The following DSE variants were observed in gnomAD, a reference collection of about 807,000 sequenced individuals.
DSE encodes dermatan-sulfate epimerase.
A neutral mutation model predicts 84.4 loss-of-function variants in DSE; 36 were observed. The observed-to-expected ratio is 0.43, with a 90% CI of 0.33 to 0.56. The LOEUF (loss-of-function observed/expected upper bound fraction) is 0.56. Among genes scored for constraint, DSE ranks in the 20% least tolerant of loss-of-function variants. DSE has a pLI of 0.06. For synonymous variants in DSE, 410 were observed against 430.1 expected (o/e 0.95, Z 0.58); for missense variants, 862 against 1,169.6 (o/e 0.74, Z 3.84).
At chr6:116,312,418 G>A (rs1351052364) in intron 2 of DSE, among the ~76,000 whole-genome samples, 1 of 152,182 alleles carries the variant, frequency 6.6e-6, no homozygotes, top group Non-Finnish European at 1.5e-5. Context: ...CTTCCTGAAG[G>A]AGGACATCAG....
At chr6:116,387,902 G>A (rs1780666310) in intron 1 of DSE, among the ~76,000 whole-genome samples, 1 of 152,188 alleles carries the variant, frequency 6.6e-6, no homozygotes, top group Non-Finnish European at 1.5e-5. Flanking sequence ...GGAAGAGGAA[G>A]AGTGTGGTGT....
intron 2 of DSE, chr6:116,280,110 G>A (rs878941974): frequency 1.9e-6 from 1 of 517,730 alleles, no homozygotes; most frequent in South Asian, 2.0e-5. Flanking sequence ...ATTGTGCTGA[G>A]TCTGGAAGCG....
chr6:116,298,276 T>C (rs537108708), intron 2 of DSE, among the ~76,000 whole-genome samples: 1 of 152,274 alleles, frequency 6.6e-6, no homozygotes, highest in South Asian at 2.1e-4. Context: ...TGCTGTTACA[T>C]AGCAAGGGGG....
At chr6:116,380,937 C>G (rs780392047) in intron 1 of DSE, among the ~76,000 whole-genome samples, 23 of 152,184 alleles carry the variant, frequency 1.5e-4, no homozygotes, top group Non-Finnish European at 5.9e-5. Flanking sequence ...CTCAGTGCAT[C>G]CTTCCTTCTT....
In DSE at chr6:116,436,363, C is replaced by T. The variant is rs768151620; in HGVS notation, c.1895C>T (p.Ser632Leu). The change falls in exon 6 of 6, where the codon TCA becomes TTA. Residue 632 changes from serine (S) to leucine (L), a missense_variant. Ser to Leu is a moderately radical substitution (Grantham distance 145). Transcript: ENST00000644252. ...TGYSEKATFASVTYPRGYPYN... is the reference protein window; with the variant it reads ...TGYSEKATFALVTYPRGYPYN... The stretch of plus-strand genomic sequence containing the variant: ...TACAGCGAGAAAGCAACCTTTGCCT[C>T]AGTGACATATCCTCGGGGCTATCCC... 9.3e-6 allele frequency: 15 copies of T among 1,614,068 alleles called. 1 individual carries two copies. In the South Asian group the frequency reaches 1.6e-4, roughly 18 times the overall value.
At chr6:116,337,339 T>A (rs951287113) in intron 2 of DSE, among the ~76,000 whole-genome samples, 7 of 152,164 alleles carry the variant, frequency 4.6e-5, no homozygotes, top group African/African-American at 1.7e-4. Flanking sequence ...TAGCTGGGCA[T>A]GGTGGCTCAT....
chr6:116,368,943 C>CGGGG (rs376133129), upstream of DSE, among the ~76,000 whole-genome samples: 1 of 84,332 alleles, frequency 1.2e-5, no homozygotes, highest in Admixed American at 1.1e-4. Context: ...GGCGGGGGGA[C>CGGGG]GGGGGGGGCT....
intron 1 of DSE, among the ~76,000 whole-genome samples, chr6:116,391,549 G>A (rs912838921): frequency 1.3e-5 from 2 of 152,082 alleles, no homozygotes; most frequent in African/African-American, 4.8e-5. Context: ...GGCGGATCAC[G>A]AGGTCAGGAG....
At chr6:116,346,660 A>G (rs545036712) in intron 2 of DSE, among the ~76,000 whole-genome samples, 2 of 152,356 alleles carry the variant, frequency 1.3e-5, no homozygotes, top group African/African-American at 4.8e-5. Flanking sequence ...CACAGCCAAT[A>G]TCATACTGAA....
At chr6:116,256,484 C>T (rs915603996) in intron 1 of DSE, 1 of 152,140 alleles carries the variant, frequency 6.6e-6, no homozygotes, top group African/African-American at 2.4e-5. Context: ...TGTATGGTCC[C>T]ACACTTGTAT....
intron 2 of DSE, among the ~76,000 whole-genome samples, chr6:116,273,840 T>G (rs1469584106): frequency 6.6e-6 from 1 of 151,002 alleles, no homozygotes; most frequent in East Asian, 1.9e-4. Flanking sequence ...TTTTGTTTTT[T>G]TTTTTTTTTG....
intron 2 of DSE, among the ~76,000 whole-genome samples, chr6:116,267,313 C>A (rs540407402): frequency 6.6e-6 from 1 of 152,072 alleles, no homozygotes; most frequent in Non-Finnish European, 1.5e-5. Flanking sequence ...GTGTTACTGC[C>A]TCTGAAGACC....
chr6:116,439,640 C>T lies in DSE; in HGVS notation c.*2295C>T, dbSNP rs1784365677. On this transcript the variant is annotated 3_prime_UTR_variant, in exon 6 of 6. Transcript: ENST00000644252. The stretch of plus-strand genomic sequence containing the variant: ...ACTTGAAAACAAAGCAATGTTAAAT[C>T]TCCCTTGAAACTGAGTAATCAGTTA... 6.6e-6 allele frequency: 1 copy of T among 152,096 alleles called. No individual in the cohort carries two copies. Among genetic ancestry groups the T allele is most frequent in the African/African-American group, 2.4e-5 (1 of 41,424 alleles). 9.4% of individuals were successfully genotyped at this position (152,096 alleles called of 1,614,324 possible).
chr6:116,405,971 G>T (rs1014672752), intron 2 of DSE, among the ~76,000 whole-genome samples: 1 of 152,196 alleles, frequency 6.6e-6, no homozygotes, highest in Non-Finnish European at 1.5e-5. Context: ...TATTTCAAAT[G>T]CAGGTGAAGA....
chr6:116,385,813 CAAA>C (rs57173546), intron 1 of DSE, among the ~76,000 whole-genome samples: 2,323 of 142,236 alleles, frequency 0.016, 23 homozygotes, highest in Non-Finnish European at 0.025. Flanking sequence ...TTAAAGACAG[CAAA>C]AAAAAAAAAA....
intron 2 of DSE, among the ~76,000 whole-genome samples, chr6:116,267,038 G>C (rs548001237): frequency 1.4e-4 from 22 of 152,132 alleles, no homozygotes; most frequent in Non-Finnish European, 2.9e-4. Context: ...CTCATGTATT[G>C]GTGGTAATGC....
At chr6:116,357,374 T>G (rs1778640546) in intron 2 of DSE, among the ~76,000 whole-genome samples, 1 of 151,812 alleles carries the variant, frequency 6.6e-6, no homozygotes, top group Non-Finnish European at 1.5e-5. Flanking sequence ...CTACTAAAAA[T>G]ACAAAAAATT....
intron 2 of DSE, among the ~76,000 whole-genome samples, chr6:116,406,591 A>C (rs117197673): frequency 0.01 from 1,539 of 152,354 alleles, 18 homozygotes; most frequent in Non-Finnish European, 0.013. Context: ...GCTGACATTA[A>C]GTTCATGCTA....
chr6:116,279,116 G>A (rs150144081), intron 2 of DSE: 47 of 1,614,028 alleles, frequency 2.9e-5, no homozygotes, highest in Non-Finnish European at 3.8e-5. Context: ...ACAGTGTCCA[G>A]TTCCAGCTGG....
Sources: gnomAD v4.1 joint callset for allele counts (sites outside exome capture counted in the v4.1 genomes callset) on GRCh38, gnomAD v4.1.1 for gene constraint, MANE v1.5 for transcripts, NCBI Gene and HGNC (gene_info 2026-07-23, HGNC 2026-07-21) for gene names.